Variants in CDK14 observed in about 807,000 individuals in gnomAD.
The protein encoded by CDK14 is cyclin-dependent kinase 14.
Under a neutral mutation model 60.7 loss-of-function variants are expected in CDK14, and 34 were observed. The ratio of observed to expected loss-of-function variants is 0.56; its 90% confidence interval spans 0.43 to 0.75. The LOEUF (loss-of-function observed/expected upper bound fraction) is 0.75, where lower values mean the gene tolerates loss of function less well. Ranked by LOEUF, CDK14 falls within the 30% of genes least tolerant of loss-of-function variation. The probability of loss-of-function intolerance (pLI) is 0.00; values close to 1 mark genes in which losing one functional copy is unlikely to be tolerated. For missense variants in CDK14, 482 were observed against 564.1 expected (o/e 0.85, Z 1.47); for synonymous variants, 197 against 203.7 (o/e 0.97, Z 0.28).
chr7:91,179,303 A>G (rs1383975871), intron 14 of CDK14, among the ~76,000 whole-genome samples: 4 of 138,030 alleles, frequency 2.9e-5, no homozygotes, highest in African/African-American at 8.1e-5. Context: ...GAATTGAACA[A>G]TGAGATCACA....
intron 5 of CDK14, among the ~76,000 whole-genome samples, chr7:90,804,422 C>A (rs1410900847): frequency 6.6e-6 from 1 of 152,126 alleles, no homozygotes; most frequent in African/African-American, 2.4e-5. Context: ...AACCTTCTAA[C>A]AATCACCCTT....
intron 5 of CDK14, among the ~76,000 whole-genome samples, chr7:90,856,377 A>T (rs554058503): frequency 2.0e-5 from 3 of 151,812 alleles, no homozygotes; most frequent in African/African-American, 7.3e-5. Context: ...CTATTCCTCT[A>T]TTTTTTCATT....
At chr7:90,631,116 G>A (rs1270228061) in intron 2 of CDK14, among the ~76,000 whole-genome samples, 1 of 152,144 alleles carries the variant, frequency 6.6e-6, no homozygotes, top group Admixed American at 6.5e-5. Flanking sequence ...TGGAATCAAG[G>A]ATTTCTGCCT....
intron 2 of CDK14, among the ~76,000 whole-genome samples, chr7:90,647,362 G>A (rs1800491415): frequency 6.6e-6 from 1 of 152,064 alleles, no homozygotes; most frequent in South Asian, 2.1e-4. Context: ...CAATCTTAGG[G>A]GGCCTGACCT....
chr7:90,640,635 C>T (rs1199903103), intron 2 of CDK14, among the ~76,000 whole-genome samples: 1 of 151,880 alleles, frequency 6.6e-6, no homozygotes, highest in Non-Finnish European at 1.5e-5. Context: ...TTAGGTTTCT[C>T]TGGATACATT....
intron 6 of CDK14, among the ~76,000 whole-genome samples, chr7:90,883,399 A>G (rs1167852592): frequency 6.6e-6 from 1 of 152,240 alleles, no homozygotes; most frequent in African/African-American, 2.4e-5. Context: ...CTAAACCAGG[A>G]AGAAGTCTAA....
intron 10 of CDK14, among the ~76,000 whole-genome samples, chr7:91,036,655 T>C (rs1796943185): frequency 6.6e-6 from 1 of 152,174 alleles, no homozygotes; most frequent in Admixed American, 6.5e-5. Context: ...AGTAACTACA[T>C]TTTTCTTCCT....
chr7:90,978,824 ACTG>A (rs1171057049), intron 9 of CDK14, among the ~76,000 whole-genome samples: 2 of 152,224 alleles, frequency 1.3e-5, no homozygotes, highest in African/African-American at 4.8e-5. Flanking sequence ...TTACAGGAAA[ACTG>A]CTAAAGACAG....
At chr7:90,722,619 A>T (rs1584822376) in intron 2 of CDK14, among the ~76,000 whole-genome samples, 1 of 151,362 alleles carries the variant, frequency 6.6e-6, no homozygotes, top group African/African-American at 2.4e-5. Flanking sequence ...ACCTTGTTAA[A>T]TTTTTTTTTT....
chr7:90,980,725 A>G (rs62468487), intron 9 of CDK14, among the ~76,000 whole-genome samples: 6,230 of 152,284 alleles, frequency 0.041, 155 homozygotes, highest in South Asian at 0.071. Context: ...TTTGAAAAAG[A>G]TGACGTCATA....
In CDK14 at chr7:90,933,592, A is replaced by G. The variant is rs541600704; in HGVS notation, c.826+15868A>G. On this transcript the variant is annotated intron_variant, in intron 8 of 14. Transcript: ENST00000380050. ...ATATCACTAACTATATTGTATGACA[A>G]GTAACTTCTTTATATAGAATGGCAG... 1.1e-4 allele frequency among the ~76,000 whole-genome samples: 17 copies of G among 152,354 alleles called. No homozygotes were observed. In the South Asian group the frequency reaches 2.5e-3, roughly 22 times the overall value.
chr7:90,596,622 G>T lies in CDK14; in HGVS notation c.-6G>T. 1.2e-6 allele frequency: 2 copies of T among 1,611,440 alleles called. No homozygotes were observed. The highest frequency in any genetic ancestry group is 1.7e-6 in the Non-Finnish European group (2 of 1,178,926). On this transcript the variant is annotated 5_prime_UTR_variant, in exon 1 of 15. Transcript: ENST00000380050. The stretch of plus-strand genomic sequence containing the variant: ...GGGGAAGTTGTCGGGGCTCCGCGTC[G>T]CCCAGATGTGTGACCTCATTGAGCC...
intron 4 of CDK14, among the ~76,000 whole-genome samples, chr7:90,758,312 G>T (rs1472250460): frequency 2.6e-5 from 4 of 151,648 alleles, no homozygotes; most frequent in African/African-American, 9.7e-5. Flanking sequence ...TTAGATGGGG[G>T]GTGGCAGTTA....
intron 14 of CDK14, among the ~76,000 whole-genome samples, chr7:91,152,540 G>A (rs1800854815): frequency 1.3e-5 from 2 of 152,104 alleles, no homozygotes; most frequent in Admixed American, 1.3e-4. Context: ...CAAACAACCT[G>A]TACTTATTTT....
At chr7:90,969,728 C>T (rs2117621931) in intron 9 of CDK14, among the ~76,000 whole-genome samples, 1 of 152,220 alleles carries the variant, frequency 6.6e-6, no homozygotes, top group Middle Eastern at 3.4e-3. Flanking sequence ...TTCATTGTTC[C>T]ATAATACAAG....
intron 12 of CDK14, among the ~76,000 whole-genome samples, chr7:91,109,208 T>C (rs1443331644): frequency 6.6e-6 from 1 of 152,176 alleles, no homozygotes; most frequent in Non-Finnish European, 1.5e-5. Flanking sequence ...TTTTTAAGCC[T>C]GTTGCTCTGT....
intron 10 of CDK14, among the ~76,000 whole-genome samples, chr7:90,992,131 T>A (rs892238107): frequency 6.6e-6 from 1 of 152,198 alleles, no homozygotes; most frequent in African/African-American, 2.4e-5. Flanking sequence ...GAAATGTTGG[T>A]AGCAAACTCC....
intron 14 of CDK14, among the ~76,000 whole-genome samples, chr7:91,192,576 A>G (rs571499173): frequency 4.9e-4 from 74 of 152,278 alleles, no homozygotes; most frequent in South Asian, 4.4e-3. Flanking sequence ...TTCTTGGCTG[A>G]TGTTTTTACC....
intron 12 of CDK14, among the ~76,000 whole-genome samples, chr7:91,089,401 C>T (rs1426561124): frequency 6.6e-6 from 1 of 152,090 alleles, no homozygotes; most frequent in Non-Finnish European, 1.5e-5. Context: ...TTGATTGCTT[C>T]TCATCTTGAT....
Sources: gnomAD v4.1 joint callset for allele counts (sites outside exome capture counted in the v4.1 genomes callset) on GRCh38, gnomAD v4.1.1 for gene constraint, MANE v1.5 for transcripts, NCBI Gene and HGNC (gene_info 2026-07-23, HGNC 2026-07-21) for gene names.